The following ZC3H12B variants were observed in gnomAD, a reference collection of about 807,000 sequenced individuals.
ZC3H12B encodes probable ribonuclease ZC3H12B.
ZC3H12B carries 7 observed loss-of-function variants against 43.9 expected under a neutral mutation model. The ratio of observed to expected loss-of-function variants is 0.16; its 90% CI spans 0.09 to 0.30. The LOEUF (loss-of-function observed/expected upper bound fraction) is 0.30, where lower values mean the gene tolerates loss of function less well. Ranked by LOEUF, ZC3H12B falls within the 10% of genes least tolerant of loss-of-function variation. The pLI is 1.00. For missense variants in ZC3H12B, 475 were observed against 670.2 expected, an observed-to-expected ratio of 0.71 and a Z score of 3.22; for synonymous variants, 222 against 241.7, an observed-to-expected ratio of 0.92 and a Z score of 0.76.
chrX:65,412,817 T>A (rs1311997309), intron 3 of ZC3H12B, among the ~76,000 whole-genome samples: 1 of 105,778 alleles, frequency 9.5e-6, no homozygotes, highest in Non-Finnish European at 1.9e-5. Flanking sequence ...ATTGTGAGAT[T>A]TTATGTAAAT....
At chrX:65,298,711 G>A in the ZC3H12B span, among the ~76,000 whole-genome samples, 7 of 111,858 alleles carry the variant, frequency 6.3e-5, no homozygotes, top group South Asian at 3.7e-4. Context: ...TTGTTGACTG[G>A]TGTATTAGTC....
the ZC3H12B span, among the ~76,000 whole-genome samples, chrX:65,159,244 T>G: frequency 1.8e-5 from 2 of 112,069 alleles, no homozygotes; most frequent in South Asian, 7.5e-4. Context: ...TAGCATTGAC[T>G]TGGCGATGCG....
At chrX:65,130,332 G>T in the ZC3H12B span, among the ~76,000 whole-genome samples, 1 of 111,425 alleles carries the variant, frequency 9.0e-6, no homozygotes, top group Non-Finnish European at 1.9e-5. Context: ...GCCAAACCTA[G>T]GAATTACATC....
the ZC3H12B span, among the ~76,000 whole-genome samples, chrX:65,158,764 C>T: frequency 1.8e-5 from 2 of 111,827 alleles, no homozygotes; most frequent in African/African-American, 3.2e-5. Context: ...TGTGCAGAAG[C>T]TCTTTAGTTT....
At chrX:65,052,958 G>C in the ZC3H12B span, among the ~76,000 whole-genome samples, 2 of 111,354 alleles carry the variant, frequency 1.8e-5, no homozygotes, top group African/African-American at 6.5e-5. Flanking sequence ...CCTGTCTTTT[G>C]AATATAAGCC....
chrX:65,277,024 A>T, the ZC3H12B span, among the ~76,000 whole-genome samples: 2 of 111,999 alleles, frequency 1.8e-5, no homozygotes, highest in African/African-American at 3.2e-5. Context: ...GAAGAAATGG[A>T]AAAAGGTACT....
the ZC3H12B span, among the ~76,000 whole-genome samples, chrX:65,130,222 G>A: frequency 9.0e-6 from 1 of 111,068 alleles, no homozygotes; most frequent in African/African-American, 3.3e-5. Flanking sequence ...AGACAGTAAG[G>A]GGTATGAAGG....
chrX:65,224,676 C>G, the ZC3H12B span, among the ~76,000 whole-genome samples: 1 of 112,111 alleles, frequency 8.9e-6, no homozygotes, highest in African/African-American at 3.2e-5. Context: ...CACCCTGATA[C>G]TGCACTTTTC....
At chrX:65,200,250 T>A in the ZC3H12B span, among the ~76,000 whole-genome samples, 1 of 111,125 alleles carries the variant, frequency 9.0e-6, no homozygotes, top group African/African-American at 3.3e-5. Flanking sequence ...CATGTATGTC[T>A]TCTTTTGAGA....
the ZC3H12B span, among the ~76,000 whole-genome samples, chrX:65,072,734 G>A: frequency 8.9e-6 from 1 of 112,210 alleles, no homozygotes; most frequent in Admixed American, 9.4e-5. Flanking sequence ...ACATGTCCTA[G>A]CAGCAGTGGC....
the ZC3H12B span, among the ~76,000 whole-genome samples, chrX:65,209,699 G>A: frequency 6.4e-5 from 7 of 109,773 alleles, no homozygotes; most frequent in African/African-American, 2.3e-4. Flanking sequence ...AAAACAGCAT[G>A]GTACTGGTAC....
At chrX:65,169,754 C>G in the ZC3H12B span, among the ~76,000 whole-genome samples, 3 of 112,096 alleles carry the variant, frequency 2.7e-5, no homozygotes, top group African/African-American at 6.5e-5. Context: ...ATAGTTAGCT[C>G]TTCTTGTTGA....
At chrX:65,102,835 TCCGTGATGCCC>T in the ZC3H12B span, among the ~76,000 whole-genome samples, 6 of 111,362 alleles carry the variant, frequency 5.4e-5, no homozygotes, top group Non-Finnish European at 1.1e-4. Context: ...GTCGGCAGGT[TCCGTGATGCCC>T]CCTGAACCGC....
chrX:65,127,014 A>G, the ZC3H12B span, among the ~76,000 whole-genome samples: 1 of 110,351 alleles, frequency 9.1e-6, no homozygotes, highest in African/African-American at 3.3e-5. Flanking sequence ...CAGAGATTTA[A>G]TCTTGTTTTG....
chrX:65,203,415 C>T, the ZC3H12B span, among the ~76,000 whole-genome samples: 2 of 111,064 alleles, frequency 1.8e-5, no homozygotes, highest in Non-Finnish European at 3.8e-5. Context: ...GCTGATCGTT[C>T]AGGGCCCAAG....
the ZC3H12B span, among the ~76,000 whole-genome samples, chrX:65,334,401 G>T: frequency 2.7e-5 from 3 of 111,861 alleles, no homozygotes; most frequent in African/African-American, 6.5e-5. Flanking sequence ...AATATAGGCA[G>T]AAAAATCTAC....
chrX:65,488,813 A>G, exon 1 of ZC3H12B: 1 of 1,190,319 alleles, frequency 8.4e-7, no homozygotes, highest in Non-Finnish European at 1.1e-6. Flanking sequence ...TGACGGCCAC[A>G]GCTGAGGTAG....
At chrX:65,119,007 C>T in the ZC3H12B span, among the ~76,000 whole-genome samples, 1 of 110,866 alleles carries the variant, frequency 9.0e-6, no homozygotes, top group African/African-American at 3.3e-5. Context: ...GCATAGTATT[C>T]CATGGTGTAT....
chrX:65,486,730 C>T (rs754461734), upstream of ZC3H12B, among the ~76,000 whole-genome samples: 1 of 112,273 alleles, frequency 8.9e-6, no homozygotes, highest in South Asian at 3.7e-4. Flanking sequence ...TTTAAATTTG[C>T]TGTTGCATGT....
Sources: gnomAD v4.1 joint callset for allele counts (sites outside exome capture counted in the v4.1 genomes callset) on GRCh38, gnomAD v4.1.1 for gene constraint, MANE v1.5 for transcripts, NCBI Gene and HGNC (gene_info 2026-07-23, HGNC 2026-07-21) for gene names.